The following CCDC171 variants were observed in gnomAD, a reference collection of about 807,000 sequenced individuals.
The protein encoded by CCDC171 is coiled-coil domain-containing protein 171.
CCDC171 carries 177 observed loss-of-function variants against 168.2 expected under a neutral mutation model. The observed-to-expected ratio is 1.05, with a 90% confidence interval of 0.93 to 1.19. The LOEUF is 1.19. CCDC171 is among the 50% of genes most tolerant of loss of function. The pLI, the probability that CCDC171 is intolerant of heterozygous loss-of-function variation, is 0.00. For synonymous variants in CCDC171, 687 were observed against 540.8 expected, an observed-to-expected ratio of 1.27 and a Z score of -3.75; for missense variants, 1,991 against 1,539.0, an observed-to-expected ratio of 1.29 and a Z score of -4.91.
At chr9:15,647,877 A>G (rs981206876) in intron 7 of CCDC171, among the ~76,000 whole-genome samples, 3 of 152,164 alleles carry the variant, frequency 2.0e-5, no homozygotes, top group African/African-American at 7.2e-5. Flanking sequence ...AAAAGAAGGA[A>G]TCCTCCCTAA....
chr9:16,036,471 C>T (rs559983554), intron 8 of CCDC171, among the ~76,000 whole-genome samples: 33 of 152,182 alleles, frequency 2.2e-4, no homozygotes, highest in Non-Finnish European at 3.8e-4. Flanking sequence ...GGTGAAACCC[C>T]GTCTCTCCTA....
rs1307654606 is a variant in CCDC171 at position 15,653,199 on chromosome 9, G to A, written c.823-3928G>A. ...CTCTTGCCTAGGTTGGAGTGCAGTA[G>A]CACCATGACAGCTCACTGCAGCCTT... On this transcript the variant is annotated intron_variant, in intron 7 of 25. Transcript: ENST00000380701. Among the ~76,000 whole-genome samples the A allele has an allele frequency of 2.0e-5, 3 of 152,132 alleles. No individual in the cohort carries two copies. The East Asian group carries it at 5.8e-4, about 29-fold the overall frequency.
intron 7 of CCDC171, among the ~76,000 whole-genome samples, chr9:15,626,430 G>C (rs2045112246): frequency 6.6e-6 from 1 of 152,158 alleles, no homozygotes; most frequent in Admixed American, 6.5e-5. Context: ...TGCCCATTTA[G>C]TATGATATTG....
upstream of CCDC171, among the ~76,000 whole-genome samples, chr9:16,038,604 A>G (rs552376435): frequency 5.2e-4 from 79 of 152,224 alleles, no homozygotes; most frequent in African/African-American, 1.8e-3. Context: ...GGAAAAGAGG[A>G]AATAAAGAAA....
At chr9:15,655,452 C>G (rs1358793128) in intron 7 of CCDC171, among the ~76,000 whole-genome samples, 1 of 152,142 alleles carries the variant, frequency 6.6e-6, no homozygotes, top group Non-Finnish European at 1.5e-5. Context: ...TAGTAATCCG[C>G]TACTTCCCAG....
At chr9:15,558,215 C>T (rs28893033) in intron 1 of CCDC171, among the ~76,000 whole-genome samples, 1 of 152,072 alleles carries the variant, frequency 6.6e-6, no homozygotes, top group Non-Finnish European at 1.5e-5. Context: ...TGTTGTGTCT[C>T]TGCCAGGCTT....
chr9:15,934,443 T>G (rs1219329023), intron 25 of CCDC171, among the ~76,000 whole-genome samples: 1 of 139,190 alleles, frequency 7.2e-6, no homozygotes, highest in East Asian at 2.1e-4. Flanking sequence ...GAAAAGGAAA[T>G]GCAAATCAAA....
chr9:15,561,147 C>G (rs1364555507), intron 1 of CCDC171, among the ~76,000 whole-genome samples: 2 of 152,162 alleles, frequency 1.3e-5, no homozygotes, highest in Non-Finnish European at 1.5e-5. Context: ...TCTTTAAGCC[C>G]TGGTTTCCTC....
intron 21 of CCDC171, among the ~76,000 whole-genome samples, chr9:15,809,707 G>A (rs772114381): frequency 2.0e-5 from 3 of 152,188 alleles, no homozygotes; most frequent in Non-Finnish European, 4.4e-5. Context: ...TTCGTGGTGA[G>A]TGTTACAGCT....
chr9:15,602,121 A>G (rs1339000067), intron 6 of CCDC171, among the ~76,000 whole-genome samples: 1 of 152,178 alleles, frequency 6.6e-6, no homozygotes, highest in Non-Finnish European at 1.5e-5. Context: ...TGTAACTGGA[A>G]TGTTTAGAAC....
At chr9:15,845,201 A>G (rs1426573007) in intron 21 of CCDC171, among the ~76,000 whole-genome samples, 1 of 152,096 alleles carries the variant, frequency 6.6e-6, no homozygotes, top group Non-Finnish European at 1.5e-5. Context: ...GCATTGGCAC[A>G]AAATTAGTAG....
intron 25 of CCDC171, among the ~76,000 whole-genome samples, chr9:15,923,504 A>C (rs1253232622): frequency 6.6e-6 from 1 of 151,382 alleles, no homozygotes; most frequent in Non-Finnish European, 1.5e-5. Context: ...TGGATAGGGG[A>C]GAGAGAGCAA....
At chr9:15,691,889 G>A (rs76758193) in intron 10 of CCDC171, among the ~76,000 whole-genome samples, 1,860 of 151,924 alleles carry the variant, frequency 0.012, 35 homozygotes, top group African/African-American at 0.042. Context: ...TGTTGCCCAG[G>A]CTCACCTTGA....
chr9:15,957,886 T>C (rs1564069084), intron 25 of CCDC171, among the ~76,000 whole-genome samples: 1 of 152,096 alleles, frequency 6.6e-6, no homozygotes, highest in African/African-American at 2.4e-5. Flanking sequence ...TAAAATGCAA[T>C]AATTATAGCC....
intron 24 of CCDC171, among the ~76,000 whole-genome samples, chr9:15,905,999 A>G (rs1350650840): frequency 6.6e-6 from 1 of 152,228 alleles, no homozygotes; most frequent in African/African-American, 2.4e-5. Context: ...TGAATAGACC[A>G]ATAACAGGCT....
intron 3 of CCDC171, among the ~76,000 whole-genome samples, chr9:16,016,765 A>G (rs929104549): frequency 6.6e-6 from 1 of 152,222 alleles, no homozygotes; most frequent in African/African-American, 2.4e-5. Flanking sequence ...TTGAAAATTT[A>G]TAGCTGCCAC....
intron 5 of CCDC171, among the ~76,000 whole-genome samples, chr9:15,593,186 G>T (rs554925268): frequency 1.3e-5 from 2 of 152,028 alleles, no homozygotes; most frequent in Admixed American, 6.6e-5. Context: ...TAAGTTAGGA[G>T]GGTAGTATTT....
chr9:15,884,871 G>A (rs2131386263), intron 24 of CCDC171, among the ~76,000 whole-genome samples: 1 of 152,302 alleles, frequency 6.6e-6, no homozygotes, highest in East Asian at 1.9e-4. Context: ...GTCAGGAACG[G>A]TGACCCAACT....
At chr9:16,054,609 G>T (rs972467657) in intron 1 of CCDC171, among the ~76,000 whole-genome samples, 1 of 152,200 alleles carries the variant, frequency 6.6e-6, no homozygotes, top group Non-Finnish European at 1.5e-5. Flanking sequence ...AATAGAGCCA[G>T]GGGGAGGACT....
Sources: allele counts gnomAD v4.1 joint callset (sites outside exome capture counted in the v4.1 genomes callset), GRCh38; gene constraint gnomAD v4.1.1; transcripts MANE v1.5; gene names NCBI Gene and HGNC (gene_info 2026-07-23, HGNC 2026-07-21).